The following ZFP28 variants were observed in gnomAD, a reference collection of about 807,000 sequenced individuals.
ZFP28 encodes ZFP28 zinc finger protein, also known as zinc finger protein 28 homolog.
A neutral mutation model predicts 39.5 loss-of-function variants in ZFP28; 31 were observed. The ratio of observed to expected loss-of-function variants is 0.79; its 90% confidence interval spans 0.59 to 1.06. ZFP28 has a LOEUF of 1.06. ZFP28 is among the 50% of genes least tolerant of loss of function. The pLI, the probability that ZFP28 is intolerant of heterozygous loss-of-function variation, is 0.00. For missense variants in ZFP28, 925 were observed against 1,048.4 expected, an observed-to-expected ratio of 0.88 and a Z score of 1.63; for synonymous variants, 400 against 378.6, an observed-to-expected ratio of 1.06 and a Z score of -0.66.
Position 56,547,927 on chromosome 19 carries a change from G to A in ZFP28, c.523+25G>A, listed in dbSNP as rs1200879780. ...GGTGAGTGTGGGAGAACCAGGTAGG[G>A]TGAGGCCACTGCTGGTCATAGTTCA... is the stretch of plus-strand genomic sequence containing the variant. On this transcript the variant is annotated intron_variant, in intron 4 of 7. Transcript: ENST00000301318. The surrounding 1 kb of genome is among the most constrained non-coding windows in gnomAD (Gnocchi z 4.6). 1 of 1,612,576 alleles carries A rather than the reference G, an allele frequency of 6.2e-7. No homozygotes were observed. Among genetic ancestry groups the A allele is most frequent in the South Asian group, 1.1e-5 (1 of 90,980 alleles).
rs2147969330 is a variant in ZFP28 at position 56,556,805 on chromosome 19, G to T, written c.*1413G>T. The T allele has an allele frequency of 6.6e-6, 1 of 152,272 alleles. No individual in the cohort carries two copies. Among genetic ancestry groups the T allele is most frequent in the South Asian group, 2.1e-4 (1 of 4,828 alleles). The allele number at this position is 152,272 out of a possible 1,614,324, so 9.4% of individuals were successfully genotyped here. ...AAGGAGAAATGATATTTTTCTAGAT[G>T]AAATACTCAATATTGTTAAAATGTT... On this transcript the variant is annotated 3_prime_UTR_variant, in exon 8 of 8. Transcript: ENST00000301318.
chr19:56,555,030 A>G lies in ZFP28; in HGVS notation c.2245A>G (p.Arg749Gly). Residue 749 changes from arginine to glycine, a missense_variant, in exon 8 of 8, where the codon AGA (arginine) becomes GGA (glycine). Arg to Gly is a moderately radical substitution (Grantham distance 125, BLOSUM62 -2). Around this residue, in one of 2 missense-constraint regions of ZFP28, gnomAD observed 369 missense variants for 505.5 expected, o/e 0.73. Coordinates refer to ENST00000301318, the MANE Select transcript of ZFP28 (RefSeq NM_020828.2). ...AAAATCCTCCCTTATTTGTCATCGC[A>G]GAAGTCATACTGGAGAAAAACCTTA... ...KTKSSLICHR[R>G]SHTGEKPYEC... The G allele has an allele frequency of 6.2e-7, 1 of 1,614,162 alleles. No homozygotes were observed. Among genetic ancestry groups the G allele is most frequent in the Non-Finnish European group, 8.5e-7 (1 of 1,180,034 alleles).
rs992252464 is a variant in ZFP28 at position 56,547,220 on chromosome 19, CTG to C, written c.301-284_301-283del. 1.8e-5 allele frequency: 6 copies of C among 342,788 alleles called. No homozygotes were observed. Among genetic ancestry groups the C allele is most frequent in the Non-Finnish European group, 3.2e-5 (6 of 188,242 alleles). The allele number at this position is 342,788 out of a possible 1,614,324, so 21.2% of individuals were successfully genotyped here. ...TGGCTTGCAGACGGCCGTCTTCTCT[CTG>C]TGTCCTCACGTGGTCTTTTCCCTGT... On this transcript the variant is annotated intron_variant, in intron 2 of 7. Transcript: ENST00000301318. The surrounding 1 kb of genome is among the most constrained non-coding windows in gnomAD (Gnocchi z 4.6).
Position 56,553,900 on chromosome 19 carries a change from G to C in ZFP28, c.1115G>C (p.Arg372Thr). ...CATAACAAAACCCTCTCTAAGGAAA[G>C]AGAACGTACATATAACAAATCTGGA... ...ITHNKTLSKE[R>T]ERTYNKSGRW... The change falls in exon 8 of 8, where the codon AGA becomes ACA. Residue 372 changes from arginine (R) to threonine (T), a missense_variant. Around this residue, in one of 2 missense-constraint regions of ZFP28, gnomAD observed 556 missense variants for 542.9 expected, o/e 1.02. Transcript: ENST00000301318. 1 of 1,614,142 alleles carries C rather than the reference G, an allele frequency of 6.2e-7. No individual in the cohort carries two copies. The highest frequency in any genetic ancestry group is 8.5e-7 in the Non-Finnish European group (1 of 1,180,022).
chr19:56,544,179 CA>C (rs1200072273), intron 2 of ZFP28, among the ~76,000 whole-genome samples: 1 of 152,190 alleles, frequency 6.6e-6, no homozygotes, highest in African/African-American at 2.4e-5. Context: ...AATTTACAGG[CA>C]AGACACTTAG....
chr19:56,551,364 T>G, intron 7 of ZFP28: 1 of 986,244 alleles, frequency 1.0e-6, no homozygotes, highest in Non-Finnish European at 1.2e-6. Flanking sequence ...ACATACACCT[T>G]AGATCCATTT....
Position 56,549,070 on chromosome 19 carries a change from C to G in ZFP28, c.636C>G (p.Tyr212Ter). ...GACTCACAAGCTATAATCTGGAGTA[C>G]TCTCTGTTAGGGGAACACTGGGATT... is the stretch of plus-strand genomic sequence containing the variant. The part of the protein sequence containing the change: ...TERLTSYNLE[Y>*]SLLGEHWDYD... The change falls in exon 5 of 8, where the codon TAC becomes TAG. Residue 212 changes from tyrosine (Y) to a stop codon, truncating the protein, a stop_gained. Coordinates refer to ENST00000301318, the MANE Select transcript of ZFP28 (RefSeq NM_020828.2). LOFTEE classifies it high-confidence loss of function. The G allele has an allele frequency of 6.2e-7, 1 of 1,613,898 alleles. No homozygotes were observed. The highest frequency in any genetic ancestry group is 8.5e-7 in the Non-Finnish European group (1 of 1,179,944).
At position 56,539,093 on chromosome 19, in the gene ZFP28, C is replaced by G. The variant is rs1339209225; in HGVS notation, c.75C>G (p.Pro25=). ...LPGRGAPRTK[P]RAGRGPTVGT... is the part of the protein sequence containing the mutation. ...GTAGAGGCGCCCCCCGCACAAAGCC[C>G]CGGGCGGGCCGAGGCCCGACTGTAG... Residue 25 remains proline (P), a synonymous_variant, in exon 1 of 8, where the codon CCC becomes CCG. Transcript: ENST00000301318. 1 of 1,541,686 alleles carries G rather than the reference C, an allele frequency of 6.5e-7. No homozygotes were observed. Among genetic ancestry groups the G allele is most frequent in the Non-Finnish European group, 8.7e-7 (1 of 1,149,518 alleles).
Position 56,553,914 on chromosome 19 carries a change from A to T in ZFP28, c.1129A>T (p.Asn377Tyr). 1.9e-6 allele frequency: 3 copies of T among 1,614,162 alleles called. No individual in the cohort carries two copies. The highest frequency in any genetic ancestry group is 2.5e-6 in the Non-Finnish European group (3 of 1,180,026). The change falls in exon 8 of 8, where the codon AAC (asparagine) becomes TAC (tyrosine). Residue 377 changes from asparagine to tyrosine, a missense_variant. Physicochemically the swap from Asn to Tyr is moderately radical, Grantham distance 143. Transcript: ENST00000301318. ...TLSKERERTY[N>Y]KSGRWFYLDD... ...CTCTAAGGAAAGAGAACGTACATAT[A>T]ACAAATCTGGAAGATGGTTCTATTT...
rs550681398 is a variant in ZFP28, at chr19:56,556,566, A to G, written c.*1174A>G. 9 of 152,334 alleles carry G rather than the reference A, an allele frequency of 5.9e-5. No homozygotes were observed. The highest frequency in any genetic ancestry group is 2.2e-4 in the African/African-American group (9 of 41,586). 9.4% of individuals were successfully genotyped at this position (152,334 alleles called of 1,614,324 possible). A position where few individuals can be genotyped will look rare whatever the true frequency, so the allele number is the denominator to read the frequency against. On this transcript the variant is annotated 3_prime_UTR_variant, in exon 8 of 8. Coordinates refer to ENST00000301318, the MANE Select transcript of ZFP28 (RefSeq NM_020828.2). ...GCTTTAGACAACTGTGACAGACTAT[A>G]TGGCTCGCAAAACTGCAAATATTTC... is the stretch of plus-strand genomic sequence containing the variant.
rs1354291989 is a variant in ZFP28, at chr19:56,553,821, G to C, written c.1036G>C (p.Gly346Arg). ...RENWDSDYVFGRKLAVGQETQ... is the reference protein window; with the variant it reads ...RENWDSDYVFRRKLAVGQETQ... ...AAATTGGGATTCTGACTATGTGTTT[G>C]GAAGGAAGCTTGCAGTAGGTCAAGA... The change falls in exon 8 of 8, where the codon GGA becomes CGA. Residue 346 changes from glycine (G) to arginine (R), a missense_variant. This residue lies in a region of ZFP28 where 556 missense variants were observed against 542.9 expected (regional missense o/e 1.02). Coordinates refer to ENST00000301318, the MANE Select transcript of ZFP28 (RefSeq NM_020828.2). 2 of 1,614,076 alleles carry C rather than the reference G, an allele frequency of 1.2e-6. No individual in the cohort carries two copies. The highest frequency in any genetic ancestry group is 1.7e-6 in the Non-Finnish European group (2 of 1,180,002).
chr19:56,544,372 C>T (rs1049478839), intron 2 of ZFP28, among the ~76,000 whole-genome samples: 1 of 152,318 alleles, frequency 6.6e-6, no homozygotes, highest in South Asian at 2.1e-4. Flanking sequence ...AAATGAAAGT[C>T]ACATTTTGGT....
At chr19:56,540,736 A>G (rs2044188596) in intron 2 of ZFP28, among the ~76,000 whole-genome samples, 1 of 152,206 alleles carries the variant, frequency 6.6e-6, no homozygotes, top group African/African-American at 2.4e-5. Context: ...GCCAAAGACA[A>G]TATGTAAATG....
chr19:56,549,977 T>G, intron 5 of ZFP28, 90 bp from the exon 6 acceptor site: 4 of 1,035,214 alleles, frequency 3.9e-6, no homozygotes, highest in Middle Eastern at 2.9e-4. Flanking sequence ...TGGAGTGCCT[T>G]TTTTGCAGTG....
chr19:56,553,482 T>C (rs929214468), intron 7 of ZFP28, among the ~76,000 whole-genome samples: 6 of 152,154 alleles, frequency 3.9e-5, no homozygotes, highest in African/African-American at 1.4e-4. Context: ...CTGCCTCAGG[T>C]GATCCACCTC....
rs187624752 is a variant in ZFP28, at chr19:56,539,722, T to A, written c.300+6T>A. The A allele has an allele frequency of 2.7e-5, 43 of 1,613,002 alleles. No homozygotes were observed. The highest frequency in any genetic ancestry group is 3.6e-5 in the Non-Finnish European group (43 of 1,179,212). ...AACCTAAAGCCATGTCCCAGGTGAG[T>A]TGGCATTTCATCTCTTGTCTCTGAA... On this transcript the variant is annotated splice_donor_region_variant and intron_variant, in intron 2 of 7. Coordinates refer to ENST00000301318, the MANE Select transcript of ZFP28 (RefSeq NM_020828.2).
In ZFP28 at chr19:56,549,025, C is replaced by G; in HGVS notation, c.591C>G (p.Ser197=). The change falls in exon 5 of 8, where the codon TCC becomes TCG. Residue 197 remains serine (S), a synonymous_variant. Transcript: ENST00000301318. ...LKKDFCEGKL[S]QAVITERLTS... ...AGGACTTCTGCGAAGGAAAGCTATC[C>G]CAGGCAGTGATAACAGAGAGACTCA... 6.2e-7 allele frequency: 1 copy of G among 1,614,030 alleles called. No homozygotes were observed. Among genetic ancestry groups the G allele is most frequent in the Non-Finnish European group, 8.5e-7 (1 of 1,179,992 alleles).
At position 56,539,151 on chromosome 19, in the gene ZFP28, G is replaced by A; in HGVS notation, c.133G>A (p.Gly45Arg). 1.3e-6 allele frequency: 2 copies of A among 1,597,932 alleles called. No homozygotes were observed. Among genetic ancestry groups the A allele is most frequent in the East Asian group, 2.3e-5 (1 of 44,186 alleles). Residue 45 changes from glycine to arginine, a missense_variant, in exon 1 of 8, where the codon GGA (glycine) becomes AGA (arginine). By Grantham distance (125) the Gly-to-Arg change is moderately radical. Transcript: ENST00000301318. ...AGCCACCTTGGCCCTCCCTGCCCGGGGAAGGCCGCGCTCAAGGAATGGCCT... is the reference window on the plus strand; with the variant it reads ...AGCCACCTTGGCCCTCCCTGCCCGGAGAAGGCCGCGCTCAAGGAATGGCCT... Reference protein sequence around the residue: ...TPATLALPARGRPRSRNGLAS... With the variant: ...TPATLALPARRRPRSRNGLAS...
rs370943788 is a variant in ZFP28, at chr19:56,550,754, ATAAT to A, written c.898+151_898+154del. 45 of 1,540,794 alleles carry A rather than the reference ATAAT, an allele frequency of 2.9e-5. No homozygotes were observed. The African/African-American group carries it at 5.9e-4, about 20-fold the overall frequency. ...GAAAATTGAACTCTGGGAGTTCCAA[ATAAT>A]TCTTTCCTCCTCCTTTGCCCCCTTC... On this transcript the variant is annotated intron_variant, in intron 7 of 7. Transcript: ENST00000301318.
Sources: gnomAD v4.1 joint callset for allele counts (sites outside exome capture counted in the v4.1 genomes callset) on GRCh38, gnomAD v4.1.1 for gene constraint, gnomAD v4.1.1 regional missense constraint, Gnocchi (gnomAD v3.1) non-coding constraint, MANE v1.5 for transcripts, NCBI Gene and HGNC (gene_info 2026-07-23, HGNC 2026-07-21) for gene names.